Variants in HERC3 observed in about 807,000 individuals in gnomAD.
HERC3 encodes probable E3 ubiquitin-protein ligase HERC3.
Under a neutral mutation model 129.9 loss-of-function variants are expected in HERC3, and 58 were observed. The ratio of observed to expected loss-of-function variants is 0.45; its 90% confidence interval spans 0.36 to 0.56. HERC3 has a LOEUF of 0.56. Ranked by LOEUF, HERC3 falls within the 20% of genes least tolerant of loss-of-function variation. The probability of loss-of-function intolerance (pLI) is 0.00; values close to 1 mark genes in which losing one functional copy is unlikely to be tolerated. For missense variants in HERC3, 835 were observed against 1,244.2 expected (o/e 0.67, Z 4.95); for synonymous variants, 430 against 451.0 (o/e 0.95, Z 0.59).
the HERC3 span, among the ~76,000 whole-genome samples, chr4:88,532,708 C>G: frequency 6.6e-6 from 1 of 152,114 alleles, no homozygotes; most frequent in East Asian, 1.9e-4. Context: ...AGGTCCTGAT[C>G]AGAATTACTA....
At chr4:88,698,398 C>T (rs556483943) in intron 23 of HERC3, among the ~76,000 whole-genome samples, 3 of 151,958 alleles carry the variant, frequency 2.0e-5, no homozygotes, top group Middle Eastern at 3.2e-3. Flanking sequence ...ACACACCTAG[C>T]GGCATATATC....
intron 23 of HERC3, chr4:88,697,448 GA>G: frequency 6.2e-7 from 1 of 1,614,146 alleles, no homozygotes; most frequent in Non-Finnish European, 8.5e-7. Flanking sequence ...TCCAGAGCCT[GA>G]AATTCCTTAT....
chr4:88,692,915 T>G (rs550128404), intron 23 of HERC3: 1 of 985,424 alleles, frequency 1.0e-6, no homozygotes, highest in Admixed American at 6.1e-5. Context: ...AAAAATGACT[T>G]TGAAGACTTT....
chr4:88,546,622 G>A, the HERC3 span, among the ~76,000 whole-genome samples: 12 of 151,738 alleles, frequency 7.9e-5, no homozygotes, highest in South Asian at 4.2e-4. Context: ...TGATTTTCCC[G>A]CTTCAGACCC....
At chr4:88,609,099 C>T (rs1192535497) in intron 3 of HERC3, among the ~76,000 whole-genome samples, 1 of 114,632 alleles carries the variant, frequency 8.7e-6, no homozygotes, top group Non-Finnish European at 1.7e-5. Flanking sequence ...CCAGCCTGGG[C>T]AACATACAGA....
At chr4:88,543,866 T>G in the HERC3 span, among the ~76,000 whole-genome samples, 4 of 152,318 alleles carry the variant, frequency 2.6e-5, no homozygotes, top group South Asian at 6.2e-4. Flanking sequence ...TGGCTAGCCA[T>G]ATGCAGAAAG....
chr4:88,559,540 A>T, the HERC3 span, among the ~76,000 whole-genome samples: 1 of 152,076 alleles, frequency 6.6e-6, no homozygotes. Flanking sequence ...AGATCACGCA[A>T]TTTATTTTTT....
chr4:88,606,637 A>C (rs1021626249), intron 3 of HERC3, among the ~76,000 whole-genome samples: 1 of 152,192 alleles, frequency 6.6e-6, no homozygotes, highest in Non-Finnish European at 1.5e-5. Context: ...TCATGGCAGA[A>C]GGTGAAAGGC....
chr4:88,683,813 G>A (rs921964968), intron 21 of HERC3, among the ~76,000 whole-genome samples: 1 of 152,016 alleles, frequency 6.6e-6, no homozygotes, highest in African/African-American at 2.4e-5. Flanking sequence ...TCTAACCCTC[G>A]GCCTGCAGGC....
At chr4:88,604,345 AT>A (rs1044736780) in intron 2 of HERC3, among the ~76,000 whole-genome samples, 17 of 152,228 alleles carry the variant, frequency 1.1e-4, no homozygotes, top group Admixed American at 6.5e-4. Context: ...AAAGTATAAA[AT>A]TTAGGGGTTT....
chr4:88,524,424 T>A, the HERC3 span, among the ~76,000 whole-genome samples: 1 of 152,182 alleles, frequency 6.6e-6, no homozygotes, highest in Non-Finnish European at 1.5e-5. Flanking sequence ...CTGTTAAAGA[T>A]CCATTCAATG....
chr4:88,577,617 A>ACATAT, the HERC3 span, among the ~76,000 whole-genome samples: 1 of 149,858 alleles, frequency 6.7e-6, no homozygotes, highest in African/African-American at 2.5e-5. Context: ...ATATATATAT[A>ACATAT]ATAGGTTTGT....
chr4:88,553,811 C>T, the HERC3 span, among the ~76,000 whole-genome samples: 2 of 152,318 alleles, frequency 1.3e-5, no homozygotes, highest in East Asian at 3.9e-4. Flanking sequence ...GCTGGGATTA[C>T]AGGCATGAGC....
the HERC3 span, among the ~76,000 whole-genome samples, chr4:88,534,072 T>C: frequency 2.8e-4 from 43 of 152,340 alleles, no homozygotes; most frequent in African/African-American, 9.1e-4. Flanking sequence ...AATATGCATA[T>C]GAGTCACCTG....
chr4:88,536,959 A>G, the HERC3 span, among the ~76,000 whole-genome samples: 9,393 of 152,258 alleles, frequency 0.062, 412 homozygotes, highest in South Asian at 0.22. Flanking sequence ...GAATTCTTAT[A>G]TACTTTCACC....
chr4:88,529,669 G>A, the HERC3 span, among the ~76,000 whole-genome samples: 12 of 151,072 alleles, frequency 7.9e-5, no homozygotes, highest in African/African-American at 2.2e-4. Flanking sequence ...CAGGAGAATC[G>A]CTTGAAACCA....
chr4:88,699,664 T>C, intron 23 of HERC3, among the ~76,000 whole-genome samples: 1 of 151,946 alleles, frequency 6.6e-6, no homozygotes. Flanking sequence ...TTGACCCCTA[T>C]AGTATGGATG....
At chr4:88,650,352 C>T (rs950828806) in intron 4 of HERC3, among the ~76,000 whole-genome samples, 1 of 152,204 alleles carries the variant, frequency 6.6e-6, no homozygotes, top group Admixed American at 6.5e-5. Flanking sequence ...CAATTAAGTA[C>T]TTTAAAATAG....
chr4:88,697,783 A>C (rs1477712716), intron 23 of HERC3: 1 of 1,565,192 alleles, frequency 6.4e-7, no homozygotes, highest in Non-Finnish European at 8.7e-7. Flanking sequence ...GAGGTCTAGG[A>C]GGGCTCCCGC....
Sources: allele counts gnomAD v4.1 joint callset (sites outside exome capture counted in the v4.1 genomes callset), GRCh38; gene constraint gnomAD v4.1.1; transcripts MANE v1.5; gene names NCBI Gene and HGNC (gene_info 2026-07-23, HGNC 2026-07-21).